The following ZNF326 variants were observed in gnomAD, a reference collection of about 807,000 sequenced individuals.
The protein encoded by ZNF326 is zinc finger protein 326, also known as DBIRD complex subunit ZNF326.
A neutral mutation model predicts 63.1 loss-of-function variants in ZNF326; 30 were observed. The observed-to-expected ratio is 0.48, with a 90% CI of 0.36 to 0.64. The LOEUF is 0.64. Ranked by LOEUF, ZNF326 falls within the 30% of genes least tolerant of loss-of-function variation. The probability of loss-of-function intolerance (pLI) is 0.00; values close to 1 mark genes in which losing one functional copy is unlikely to be tolerated. For missense variants in ZNF326, 609 were observed against 720.3 expected, an observed-to-expected ratio of 0.85 and a Z score of 1.77; for synonymous variants, 194 against 228.2, an observed-to-expected ratio of 0.85 and a Z score of 1.35.
At chr1:90,014,269 A>G (rs1321552547) in intron 7 of ZNF326, among the ~76,000 whole-genome samples, 1 of 152,192 alleles carries the variant, frequency 6.6e-6, no homozygotes, top group African/African-American at 2.4e-5. Flanking sequence ...TTGGCTAAAT[A>G]AAAACTTAAA....
chr1:90,012,192 A>G (rs148957736), intron 6 of ZNF326, among the ~76,000 whole-genome samples: 58 of 152,234 alleles, frequency 3.8e-4, no homozygotes, highest in Non-Finnish European at 6.5e-4. Context: ...GCCAAAAGGT[A>G]GAAACAATTG....
At chr1:89,995,457 C>G (rs2101041889) in intron 1 of ZNF326, among the ~76,000 whole-genome samples, 184 bp downstream of exon 1, 1 of 152,372 alleles carries the variant, frequency 6.6e-6, no homozygotes, top group East Asian at 1.9e-4. Flanking sequence ...CCGATTCGGC[C>G]CGCTCGGCGC....
At chr1:90,005,472 TAGAG>T in intron 4 of ZNF326, 1 of 1,190,550 alleles carries the variant, frequency 8.4e-7, no homozygotes, top group Non-Finnish European at 1.0e-6. Context: ...GTCAATATAA[TAGAG>T]TAAGATACAC....
At position 90,028,539 on chromosome 1, in the gene ZNF326, T is replaced by C. The variant is rs1650128179; in HGVS notation, c.*838T>C. 1 of 152,336 alleles carries C rather than the reference T, an allele frequency of 6.6e-6. No homozygotes were observed. The highest frequency in any genetic ancestry group is 1.9e-4 in the East Asian group (1 of 5,192). The allele number at this position is 152,336 out of a possible 1,614,324, so 9.4% of individuals were successfully genotyped here. A position where few individuals can be genotyped will look rare whatever the true frequency, so the allele number is the denominator to read the frequency against. ...AAAATACATTTGATACAAAGTTTTCTGTAGTTGTGTTAGTTCTTTTGTCAT... is the reference window on the plus strand; with the variant it reads ...AAAATACATTTGATACAAAGTTTTCCGTAGTTGTGTTAGTTCTTTTGTCAT... On this transcript the variant is annotated 3_prime_UTR_variant, in exon 12 of 12. Transcript: ENST00000340281.
chr1:90,022,449 TAAG>T, intron 11 of ZNF326, 104 bp downstream of exon 11: 1 of 835,156 alleles, frequency 1.2e-6, no homozygotes, highest in South Asian at 1.8e-5. Flanking sequence ...TATAACATAT[TAAG>T]AAGAATTTTA....
rs985637021 is a variant in ZNF326 at position 90,028,991 on chromosome 1, A to T, written c.*1290A>T. On this transcript the variant is annotated 3_prime_UTR_variant, in exon 12 of 12. Transcript: ENST00000340281. ...GCTAATTTTTGTAGTTTTTGTAGAG[A>T]CAGGGTTTTACCATGTTGTCCAGGC... 3.9e-5 allele frequency: 6 copies of T among 151,944 alleles called. No individual in the cohort carries two copies. Among genetic ancestry groups the T allele is most frequent in the African/African-American group, 1.5e-4 (6 of 41,316 alleles). The allele number at this position is 151,944 out of a possible 1,614,324, so 9.4% of individuals were successfully genotyped here. A position where few individuals can be genotyped will look rare whatever the true frequency, so the allele number is the denominator to read the frequency against.
At position 90,029,887 on chromosome 1, in the gene ZNF326, C is replaced by T. The variant is rs539780428; in HGVS notation, c.*2186C>T. The T allele has an allele frequency of 1.1e-4, 16 of 152,164 alleles. No individual in the cohort carries two copies. Among genetic ancestry groups the T allele is most frequent in the East Asian group, 5.8e-4 (3 of 5,176 alleles). 9.4% of individuals were successfully genotyped at this position (152,164 alleles called of 1,614,324 possible). A position where few individuals can be genotyped will look rare whatever the true frequency, so the allele number is the denominator to read the frequency against. ...TATTTCCTATTGGATAATTTGTAGG[C>T]GGGCAGTTTACTTTATAGTCAGGTT... On this transcript the variant is annotated 3_prime_UTR_variant, in exon 12 of 12. Coordinates refer to ENST00000340281, the MANE Select transcript of ZNF326 (RefSeq NM_182976.4).
intron 4 of ZNF326, chr1:90,005,578 A>C: frequency 1.1e-6 from 1 of 907,430 alleles, no homozygotes; most frequent in Non-Finnish European, 1.3e-6. Context: ...GTTATTGAAA[A>C]TATTATTTAT....
intron 11 of ZNF326, among the ~76,000 whole-genome samples, chr1:90,024,618 A>G (rs1649925648): frequency 1.3e-5 from 2 of 151,318 alleles, no homozygotes; most frequent in Non-Finnish European, 1.5e-5. Flanking sequence ...TCTTTTTCTT[A>G]TATATATATA....
At chr1:90,017,552 A>C (rs1649563464) in intron 8 of ZNF326, 88 bp downstream of exon 8, 1 of 1,253,110 alleles carries the variant, frequency 8.0e-7, no homozygotes, top group African/African-American at 1.6e-5. Flanking sequence ...TCTCACATTT[A>C]TGTTTCTAAA....
intron 2 of ZNF326, among the ~76,000 whole-genome samples, chr1:89,999,677 A>G (rs1022796959): frequency 6.6e-6 from 1 of 152,208 alleles, no homozygotes; most frequent in African/African-American, 2.4e-5. Context: ...TATGTTGTGC[A>G]AAACTACTCT....
At chr1:90,009,814 C>G (rs1649149747) in intron 5 of ZNF326, among the ~76,000 whole-genome samples, 1 of 151,986 alleles carries the variant, frequency 6.6e-6, no homozygotes, top group Non-Finnish European at 1.5e-5. Flanking sequence ...TCTATAATCT[C>G]AAGTAATTTT....
chr1:90,022,099 CTG>C (rs1251379805), intron 10 of ZNF326, 149 bp from the exon 11 acceptor site: 20 of 569,274 alleles, frequency 3.5e-5, no homozygotes, highest in Non-Finnish European at 5.9e-5. Flanking sequence ...TAGATTTAGA[CTG>C]TGGTTATAGT....
chr1:90,032,353 T>A lies in ZNF326; in HGVS notation c.*4652T>A, dbSNP rs961776839. ...GATGGCCCCCTTGGCGACAGGGAAGTATGAAATAGCATGGAGTGTGGAAGG... is the reference window on the plus strand; with the variant it reads ...GATGGCCCCCTTGGCGACAGGGAAGAATGAAATAGCATGGAGTGTGGAAGG... On this transcript the variant is annotated 3_prime_UTR_variant, in exon 12 of 12. Transcript: ENST00000340281. The A allele has an allele frequency of 6.6e-6, 1 of 152,374 alleles. No homozygotes were observed. The highest frequency in any genetic ancestry group is 2.4e-5 in the African/African-American group (1 of 41,432). 9.4% of individuals were successfully genotyped at this position (152,374 alleles called of 1,614,324 possible).
intron 11 of ZNF326, 103 bp downstream of exon 11, chr1:90,022,448 T>C: frequency 2.4e-6 from 2 of 832,542 alleles, no homozygotes; most frequent in Non-Finnish European, 1.9e-6. Flanking sequence ...GTATAACATA[T>C]TAAGAAGAAT....
At position 90,007,536 on chromosome 1, in the gene ZNF326, C is replaced by T. The variant is rs1291955442; in HGVS notation, c.401C>T (p.Ala134Val). ...AACCAGGGCGGGTCTAGCTGGGAAG[C>T]ACCTTACTCCCGTTCAAAATTGAGG... The part of the protein sequence containing the change: ...GRNQGGSSWE[A>V]PYSRSKLRPG... The change falls in exon 5 of 12, where the codon GCA (alanine) becomes GTA (valine). Residue 134 changes from alanine to valine, a missense_variant. By Grantham distance (64) the Ala-to-Val change is moderately conservative (BLOSUM62 0). This residue lies in a region of ZNF326 where 113 missense variants were observed against 187.4 expected (regional missense o/e 0.60). Coordinates refer to ENST00000340281, the MANE Select transcript of ZNF326 (RefSeq NM_182976.4). The surrounding 1 kb of genome is among the most constrained non-coding windows in gnomAD (Gnocchi z 4.9). 6.2e-7 allele frequency: 1 copy of T among 1,614,026 alleles called. No homozygotes were observed. Among genetic ancestry groups the T allele is most frequent in the Non-Finnish European group, 8.5e-7 (1 of 1,179,972 alleles).
At chr1:90,022,490 TC>T in intron 11 of ZNF326, 145 bp downstream of exon 11, 1 of 617,928 alleles carries the variant, frequency 1.6e-6, no homozygotes, top group Non-Finnish European at 2.8e-6. Context: ...AGGTAAAACA[TC>T]TTTTTTCCTA....
At chr1:90,023,291 G>A (rs567922295) in intron 11 of ZNF326, among the ~76,000 whole-genome samples, 1 of 152,276 alleles carries the variant, frequency 6.6e-6, no homozygotes, top group Admixed American at 6.5e-5. Context: ...GAGAGCTGTT[G>A]TGTTGAGGAT....
In ZNF326 at chr1:90,031,121, A is replaced by G. The variant is rs1228912301; in HGVS notation, c.*3420A>G. 6.6e-6 allele frequency: 1 copy of G among 152,168 alleles called. No homozygotes were observed. The highest frequency in any genetic ancestry group is 2.4e-5 in the African/African-American group (1 of 41,426). 9.4% of individuals were successfully genotyped at this position (152,168 alleles called of 1,614,324 possible). A position where few individuals can be genotyped will look rare whatever the true frequency, so the allele number is the denominator to read the frequency against. On this transcript the variant is annotated 3_prime_UTR_variant, in exon 12 of 12. Transcript: ENST00000340281. ...TTTCCGCCCTTTTGAATATAAACAT[A>G]GGTTTGGGGGATTCTTCATAATACT... is the stretch of plus-strand genomic sequence containing the variant.
Sources: allele counts gnomAD v4.1 joint callset (sites outside exome capture counted in the v4.1 genomes callset), GRCh38; gene constraint gnomAD v4.1.1; regional missense constraint gnomAD v4.1.1; non-coding constraint Gnocchi (gnomAD v3.1); transcripts MANE v1.5; gene names NCBI Gene and HGNC (gene_info 2026-07-23, HGNC 2026-07-21).